Variants in SLC25A48 observed in about 807,000 individuals in gnomAD.
The protein encoded by SLC25A48 is CTC-321K16.1.
In SLC25A48, 29 loss-of-function variants were observed where a neutral mutation model predicts 32.2. That is an observed-to-expected ratio of 0.90 (90% confidence interval 0.67 to 1.23). The LOEUF (loss-of-function observed/expected upper bound fraction) is 1.23, where lower values mean the gene tolerates loss of function less well. Among genes scored for constraint, SLC25A48 ranks in the 50% most tolerant of loss-of-function variants. The pLI is 0.00. For missense variants in SLC25A48, 399 were observed against 422.7 expected (o/e 0.94, Z 0.49); for synonymous variants, 164 against 172.3 (o/e 0.95, Z 0.38).
intron 3 of SLC25A48, among the ~76,000 whole-genome samples, chr5:135,720,227 T>C (rs1014112002): frequency 6.6e-6 from 1 of 152,214 alleles, no homozygotes; most frequent in Non-Finnish European, 1.5e-5. Context: ...CATTCTTGGG[T>C]CCAGGGCAGC....
chr5:135,646,678 T>TATATATATATATATATACAC (rs966073970), intron 3 of SLC25A48, among the ~76,000 whole-genome samples: 18 of 136,770 alleles, frequency 1.3e-4, no homozygotes, highest in African/African-American at 4.9e-4. Flanking sequence ...TATATATATA[T>TATATATATATATATATACAC]ACAATGGGAA....
chr5:135,717,262 C>T (rs1180271827), intron 3 of SLC25A48, among the ~76,000 whole-genome samples: 2 of 152,186 alleles, frequency 1.3e-5, no homozygotes, highest in Non-Finnish European at 2.9e-5. Context: ...TTCTTGCGGT[C>T]ACAGACAGCA....
chr5:135,885,206 A>T (rs1762671752), intron 7 of SLC25A48, among the ~76,000 whole-genome samples: 1 of 152,082 alleles, frequency 6.6e-6, no homozygotes, highest in South Asian at 2.1e-4. Flanking sequence ...GCCCTTCTGG[A>T]CCCACCTCCC....
chr5:135,615,211 A>G (rs1339789071), intron 1 of SLC25A48, among the ~76,000 whole-genome samples: 2 of 152,228 alleles, frequency 1.3e-5, no homozygotes, highest in East Asian at 3.8e-4. Flanking sequence ...TAATGGTTGG[A>G]ACACTTTGGA....
intron 4 of SLC25A48, chr5:135,826,967 G>A (rs910697129): frequency 6.6e-6 from 1 of 152,478 alleles, no homozygotes; most frequent in Non-Finnish European, 1.5e-5. Flanking sequence ...GGTAGAGCAG[G>A]TAAGGATGGT....
intron 3 of SLC25A48, among the ~76,000 whole-genome samples, chr5:135,745,552 G>A (rs959304182): frequency 2.1e-4 from 32 of 152,120 alleles, no homozygotes; most frequent in African/African-American, 7.5e-4. Context: ...AAAGGCCAGC[G>A]GGGGTGGTGG....
chr5:135,745,379 C>T (rs1755615589), intron 3 of SLC25A48, among the ~76,000 whole-genome samples: 1 of 152,186 alleles, frequency 6.6e-6, no homozygotes, highest in African/African-American at 2.4e-5. Context: ...GTGTTCCTTG[C>T]CCTCATTCTG....
chr5:135,581,168 G>T (rs1007372105), intron 1 of SLC25A48, among the ~76,000 whole-genome samples: 2 of 152,226 alleles, frequency 1.3e-5, no homozygotes, highest in African/African-American at 4.8e-5. Context: ...CACAGAGTAA[G>T]TGTTTGATAT....
intron 1 of SLC25A48, chr5:135,609,818 T>C (rs1752023464): frequency 6.6e-6 from 1 of 152,228 alleles, no homozygotes. Context: ...TATATGCTTG[T>C]ATATTTGCAG....
At chr5:135,663,500 T>C (rs1313938581) in intron 3 of SLC25A48, among the ~76,000 whole-genome samples, 1 of 152,236 alleles carries the variant, frequency 6.6e-6, no homozygotes, top group Non-Finnish European at 1.5e-5. Flanking sequence ...TAAGAACCAG[T>C]GCTCTAAAGT....
chr5:135,587,044 T>G (rs1751381904), intron 1 of SLC25A48, among the ~76,000 whole-genome samples: 1 of 152,138 alleles, frequency 6.6e-6, no homozygotes, highest in South Asian at 2.1e-4. Context: ...TTGTTTTGTT[T>G]TTTTGAGACA....
intron 3 of SLC25A48, among the ~76,000 whole-genome samples, chr5:135,809,789 T>C (rs1425284094): frequency 6.6e-6 from 1 of 152,204 alleles, no homozygotes; most frequent in East Asian, 1.9e-4. Context: ...TGAGATTCAT[T>C]TGTGCTGTTT....
intron 4 of SLC25A48, among the ~76,000 whole-genome samples, chr5:135,814,831 G>A (rs540944171): frequency 3.9e-5 from 6 of 152,204 alleles, no homozygotes; most frequent in Non-Finnish European, 8.8e-5. Flanking sequence ...GTCTCAGCTG[G>A]ATCATCCAGG....
intron 1 of SLC25A48, among the ~76,000 whole-genome samples, chr5:135,608,671 C>T (rs900141441): frequency 1.3e-5 from 2 of 152,114 alleles, no homozygotes; most frequent in African/African-American, 2.4e-5. Flanking sequence ...GTTGCTGCAC[C>T]GTGGCCAAGA....
intron 3 of SLC25A48, among the ~76,000 whole-genome samples, chr5:135,715,928 T>C (rs1754785440): frequency 6.6e-6 from 1 of 152,190 alleles, no homozygotes. Context: ...CTCTGGGCTG[T>C]GGGGCTCCAC....
At chr5:135,605,604 C>T (rs1267953315) in intron 1 of SLC25A48, among the ~76,000 whole-genome samples, 1 of 152,234 alleles carries the variant, frequency 6.6e-6, no homozygotes, top group Non-Finnish European at 1.5e-5. Flanking sequence ...GAACATTTAA[C>T]ATCTTCTTCA....
At chr5:135,740,448 G>T (rs558896818) in intron 3 of SLC25A48, among the ~76,000 whole-genome samples, 133 of 152,250 alleles carry the variant, frequency 8.7e-4, no homozygotes, top group African/African-American at 3.1e-3. Context: ...ACCTGCCTTG[G>T]GCGGGGGGTG....
intron 3 of SLC25A48, among the ~76,000 whole-genome samples, chr5:135,789,818 T>C (rs1404662298): frequency 6.6e-6 from 1 of 151,992 alleles, no homozygotes; most frequent in Non-Finnish European, 1.5e-5. Context: ...CTTTGTAATA[T>C]CTACATTGGA....
intron 3 of SLC25A48, among the ~76,000 whole-genome samples, chr5:135,721,833 A>C (rs1754962782): frequency 6.6e-6 from 1 of 152,234 alleles, no homozygotes; most frequent in South Asian, 2.1e-4. Flanking sequence ...AGCTCTGGGA[A>C]GGTGAACCCT....
Sources: gnomAD v4.1 joint callset for allele counts (sites outside exome capture counted in the v4.1 genomes callset) on GRCh38, gnomAD v4.1.1 for gene constraint, MANE v1.5 for transcripts, NCBI Gene and HGNC (gene_info 2026-07-23, HGNC 2026-07-21) for gene names.